SEMA4B: variants seen among roughly 807,000 people sequenced by gnomAD.
SEMA4B encodes the protein semaphorin 4B.
SEMA4B carries 55 observed loss-of-function variants against 88.1 expected under a neutral mutation model. The ratio of observed to expected loss-of-function variants is 0.62; its 90% confidence interval spans 0.50 to 0.78. SEMA4B has a LOEUF of 0.78. Ranked by LOEUF, SEMA4B falls within the 30% of genes least tolerant of loss-of-function variation. The pLI is 0.00. For missense variants in SEMA4B, 1,062 were observed against 1,111.9 expected, an observed-to-expected ratio of 0.96 and a Z score of 0.64; for synonymous variants, 525 against 473.6, an observed-to-expected ratio of 1.11 and a Z score of -1.41.
rs529663280 is a variant in SEMA4B at position 90,186,527 on chromosome 15, G to C, written c.-122+1446G>C. On this transcript the variant is annotated intron_variant, in intron 1 of 14. Coordinates refer to the SEMA4B transcript ENST00000332496. ...GCAGCGACTTGGGAGGCTGAGGCAGGAGAATCGCTTGAATCTGGGAGGCGG... is the reference window on the plus strand; with the variant it reads ...GCAGCGACTTGGGAGGCTGAGGCAGCAGAATCGCTTGAATCTGGGAGGCGG... Among the ~76,000 whole-genome samples the C allele has an allele frequency of 1.7e-3, 259 of 152,250 alleles. 1 individual carries two copies. The highest frequency in any genetic ancestry group is 5.8e-3 in the African/African-American group (243 of 41,568).
At chr15:90,190,269 C>G (rs1218542190) in intron 1 of SEMA4B, 1 of 152,278 alleles carries the variant, frequency 6.6e-6, no homozygotes, top group African/African-American at 2.4e-5. Flanking sequence ...AGTGGGCACA[C>G]TGCCACAGGT....
At chr15:90,189,804 T>G (rs1025425294) in intron 1 of SEMA4B, among the ~76,000 whole-genome samples, 1 of 152,194 alleles carries the variant, frequency 6.6e-6, no homozygotes, top group African/African-American at 2.4e-5. Flanking sequence ...TCTCCTGAAA[T>G]GGCATCTCAT....
At chr15:90,191,395 C>T (rs36034702) in intron 1 of SEMA4B, among the ~76,000 whole-genome samples, 16,635 of 152,234 alleles carry the variant, frequency 0.11, 1,185 homozygotes, top group Non-Finnish European at 0.17. Flanking sequence ...GAGTTGTTGA[C>T]GCCATGGGGC....
intron 1 of SEMA4B, chr15:90,206,728 A>G: frequency 1.3e-6 from 1 of 753,728 alleles, no homozygotes; most frequent in Non-Finnish European, 2.3e-6. Flanking sequence ...GTGTGCTTGC[A>G]TCCAACGGTG....
chr15:90,223,571 G>A lies in SEMA4B; in HGVS notation c.874G>A (p.Gly292Arg), dbSNP rs1961975500. Reference protein sequence around the residue: ...IARICKGDEGGERVLQQRWTS... With the variant: ...IARICKGDEGRERVLQQRWTS... Reference sequence around the variant, plus strand: ...ACTCTCCCTCCAGGGCGATGAGGGTGGAGAGCGGGTGCTACAGCAGCGCTG... The same window carrying A: ...ACTCTCCCTCCAGGGCGATGAGGGTAGAGAGCGGGTGCTACAGCAGCGCTG... Residue 292 changes from glycine to arginine, a missense_variant, in exon 8 of 14, where the codon GGA becomes AGA. Physicochemically the swap from Gly to Arg is moderately radical, Grantham distance 125 (BLOSUM62 -2). Transcript: ENST00000411539. The A allele has an allele frequency of 6.3e-7, 1 of 1,596,556 alleles. No individual in the cohort carries two copies. The highest frequency in any genetic ancestry group is 8.5e-7 in the Non-Finnish European group (1 of 1,169,934).
intron 1 of SEMA4B, chr15:90,206,684 A>G (rs1961006154): frequency 4.3e-6 from 3 of 703,112 alleles, no homozygotes; most frequent in Non-Finnish European, 7.6e-6. Context: ...TCGCAAAGCT[A>G]CCAAAGCCTT....
At position 90,224,120 on chromosome 15, in the gene SEMA4B, T is replaced by C. The variant is rs899549006; in HGVS notation, c.1194+132T>C. On this transcript the variant is annotated intron_variant, in intron 9 of 13. Transcript: ENST00000411539. Reference sequence around the variant, plus strand: ...TGAATCTCTTTTCTCATCTTTAATATGGGGATATAGGCCCAGGCCTGCTTG... The same window carrying C: ...TGAATCTCTTTTCTCATCTTTAATACGGGGATATAGGCCCAGGCCTGCTTG... 4.9e-6 allele frequency: 4 copies of C among 809,420 alleles called. No homozygotes were observed. The African/African-American group carries it at 5.2e-5, about 11-fold the overall frequency. 50.1% of individuals were successfully genotyped at this position (809,420 alleles called of 1,614,324 possible). A position where few individuals can be genotyped will look rare whatever the true frequency, so the allele number is the denominator to read the frequency against.
chr15:90,198,373 T>C (rs539492064), upstream of SEMA4B, among the ~76,000 whole-genome samples: 1 of 152,356 alleles, frequency 6.6e-6, no homozygotes, highest in South Asian at 2.1e-4. Flanking sequence ...AGCACTATTC[T>C]AGAGGCTTGA....
Position 90,225,347 on chromosome 15 carries a change from ATCT to A in SEMA4B, c.1475_1477del (p.Phe492del), listed in dbSNP as rs1962104995. On this transcript the variant is annotated inframe_deletion, in exon 11 of 14. Transcript: ENST00000411539. ...GGTGCACATCATTGAGGAGCTGCAG[ATCT>A]TCTCATCGGGACAGCCCGTGCAGAA... 2 of 1,557,096 alleles carry A rather than the reference ATCT, an allele frequency of 1.3e-6. No homozygotes were observed. The highest frequency in any genetic ancestry group is 2.4e-5 in the East Asian group (1 of 41,472).
rs759869242 is a variant in SEMA4B at position 90,228,356 on chromosome 15, A to G, written c.2227A>G (p.Ser743Gly). Residue 743 changes from serine to glycine, a missense_variant, in exon 14 of 14, where the codon AGC (serine) becomes GGC (glycine). Coordinates refer to ENST00000411539, the MANE Select transcript of SEMA4B (RefSeq NM_198925.4). Reference protein sequence around the residue: ...VLFLLYRHRNSMKVFLKQGEC... With the variant: ...VLFLLYRHRNGMKVFLKQGEC... ...ATTCTTGCTCTACCGGCACCGGAAC[A>G]GCATGAAAGTCTTCCTGAAGCAGGG... 2.5e-6 allele frequency: 4 copies of G among 1,601,246 alleles called. No individual in the cohort carries two copies. In the East Asian group the frequency reaches 6.7e-5, roughly 27 times the overall value.
rs551311764 is a variant in SEMA4B, at chr15:90,226,633, G to A, written c.1688+806G>A. 3.3e-5 allele frequency among the ~76,000 whole-genome samples: 5 copies of A among 152,266 alleles called. No individual in the cohort carries two copies. The East Asian group carries it at 5.8e-4, about 18-fold the overall frequency. On this transcript the variant is annotated intron_variant, in intron 12 of 13. Coordinates refer to ENST00000411539, the MANE Select transcript of SEMA4B (RefSeq NM_198925.4). ...CGGGATTACAGCCATGAGCCACCGC[G>A]TCTGGCCAAACATTCATATATTTTA...
rs868290340 is a variant in SEMA4B, at chr15:90,188,842, G to C, written c.-122+3761G>C. Among the ~76,000 whole-genome samples, 12 of 151,688 alleles carry C rather than the reference G, an allele frequency of 7.9e-5. 1 individual carries two copies. The Middle Eastern group carries it at 0.024, about 301-fold the overall frequency. On this transcript the variant is annotated intron_variant, in intron 1 of 14. Transcript: ENST00000332496. ...ACCACCACGCCCGGCTAATTTTTTT[G>C]TATTTTTAGTAGAGACGGGGTTTCA...
intron 1 of SEMA4B, among the ~76,000 whole-genome samples, chr15:90,185,467 G>C (rs773073484): frequency 1.2e-4 from 19 of 152,266 alleles, no homozygotes; most frequent in Non-Finnish European, 2.6e-4. Flanking sequence ...CTTTGTCATG[G>C]CTTCTTTCTT....
At chr15:90,185,811 C>G (rs777805673) in intron 1 of SEMA4B, among the ~76,000 whole-genome samples, 3 of 152,092 alleles carry the variant, frequency 2.0e-5, no homozygotes, top group Non-Finnish European at 4.4e-5. Context: ...CCCATCCCCC[C>G]TCATTTTCAT....
chr15:90,224,786 A>C (rs1393005288), intron 9 of SEMA4B, among the ~76,000 whole-genome samples, 182 bp from the exon 10 acceptor site: 4 of 152,036 alleles, frequency 2.6e-5, no homozygotes, highest in African/African-American at 9.7e-5. Context: ...GTTTCCCCGC[A>C]CCCTGGGCTT....
Position 90,220,975 on chromosome 15 carries a change from C to T in SEMA4B, c.484-7C>T. The T allele has an allele frequency of 2.5e-6, 4 of 1,590,466 alleles. No individual in the cohort carries two copies. Among genetic ancestry groups the T allele is most frequent in the Non-Finnish European group, 3.4e-6 (4 of 1,165,096 alleles). On this transcript the variant is annotated splice_region_variant and splice_polypyrimidine_tract_variant and intron_variant, in intron 4 of 13. Coordinates refer to ENST00000411539, the MANE Select transcript of SEMA4B (RefSeq NM_198925.4). Reference sequence around the variant, plus strand: ...GCCCCTGAGCCCATGTGTCCACCCTCCTGCAGAACATGGAGAACTTCACCC... The same window carrying T: ...GCCCCTGAGCCCATGTGTCCACCCTTCTGCAGAACATGGAGAACTTCACCC...
intron 11 of SEMA4B, 118 bp downstream of exon 11, chr15:90,225,515 C>A (rs985527328): frequency 3.1e-6 from 4 of 1,289,774 alleles, no homozygotes; most frequent in Non-Finnish European, 4.3e-6. Flanking sequence ...GATAAAGGAT[C>A]CAGTCATGAA....
At chr15:90,195,752 G>A (rs1044842542) in intron 1 of SEMA4B, among the ~76,000 whole-genome samples, 5 of 152,050 alleles carry the variant, frequency 3.3e-5, no homozygotes, top group Admixed American at 1.3e-4. Context: ...TGGGACTACA[G>A]GCATGCGCCA....
At chr15:90,192,342 G>C (rs1287796153) in intron 1 of SEMA4B, among the ~76,000 whole-genome samples, 1 of 152,238 alleles carries the variant, frequency 6.6e-6, no homozygotes, top group African/African-American at 2.4e-5. Context: ...GACCTGGCCA[G>C]GAGCCGCCTG....
Sources: allele counts gnomAD v4.1 joint callset (sites outside exome capture counted in the v4.1 genomes callset), GRCh38; gene constraint gnomAD v4.1.1; transcripts MANE v1.5; gene names NCBI Gene and HGNC (gene_info 2026-07-23, HGNC 2026-07-21).